Variants in ARHGEF9 observed in about 807,000 individuals in gnomAD.
ARHGEF9 encodes the protein Cdc42 guanine nucleotide exchange factor 9.
ARHGEF9 carries 2 observed loss-of-function variants against 41.3 expected under a neutral mutation model. The ratio of observed to expected loss-of-function variants is 0.05; its 90% CI spans 0.02 to 0.15. The LOEUF (loss-of-function observed/expected upper bound fraction) is 0.15. Ranked by LOEUF, ARHGEF9 falls within the 10% of genes least tolerant of loss-of-function variation. The probability of loss-of-function intolerance (pLI) is 1.00; values close to 1 mark genes in which losing one functional copy is unlikely to be tolerated. For missense variants in ARHGEF9, 225 were observed against 424.7 expected, an observed-to-expected ratio of 0.53 and a Z score of 4.13; for synonymous variants, 160 against 154.4, an observed-to-expected ratio of 1.04 and a Z score of -0.27.
chrX:63,782,577 C>T (rs372717051), intron 1 of ARHGEF9, among the ~76,000 whole-genome samples: 9 of 112,465 alleles, frequency 8.0e-5, no homozygotes, highest in Non-Finnish European at 1.7e-4. Context: ...TCAAGGCCCA[C>T]GATTTACATG....
chrX:63,781,245 T>TTCAGTAATATTTCATTTCAATAG (rs1556461916), intron 1 of ARHGEF9, among the ~76,000 whole-genome samples: 24 of 112,151 alleles, frequency 2.1e-4, no homozygotes, highest in Non-Finnish European at 4.1e-4. Flanking sequence ...GAAAATAATT[T>TTCAGTAATATTTCATTTCAATAG]TTTCATATAT....
At chrX:63,772,175 C>A (rs1252980321) in intron 1 of ARHGEF9, among the ~76,000 whole-genome samples, 2 of 112,248 alleles carry the variant, frequency 1.8e-5, no homozygotes, top group East Asian at 2.8e-4. Context: ...TGTGGCAGAG[C>A]CAGAAACCTA....
intron 1 of ARHGEF9, among the ~76,000 whole-genome samples, chrX:63,740,063 C>T (rs1294284786): frequency 1.8e-5 from 2 of 111,944 alleles, no homozygotes; most frequent in African/African-American, 6.5e-5. Flanking sequence ...CTCTAGGCTG[C>T]CTCCTCTGGC....
intron 1 of ARHGEF9, among the ~76,000 whole-genome samples, chrX:63,727,003 G>A (rs782780693): frequency 7.2e-5 from 8 of 111,628 alleles, no homozygotes; most frequent in African/African-American, 9.8e-5. Flanking sequence ...CTGGTCACTG[G>A]CTTACTAAAG....
chrX:63,691,175 G>A (rs2051321941), intron 4 of ARHGEF9, among the ~76,000 whole-genome samples: 1 of 111,567 alleles, frequency 9.0e-6, no homozygotes, highest in South Asian at 3.7e-4. Context: ...TATCCATATT[G>A]AAAAGGAAGA....
chrX:63,654,131 T>C (rs1351224030), intron 8 of ARHGEF9, among the ~76,000 whole-genome samples: 1 of 104,076 alleles, frequency 9.6e-6, no homozygotes, highest in Non-Finnish European at 2.0e-5. Flanking sequence ...TTTCCTACAA[T>C]GGAAGTGATT....
At chrX:63,658,194 G>C (rs182861970) in intron 7 of ARHGEF9, 1 of 112,164 alleles carries the variant, frequency 8.9e-6, no homozygotes, top group East Asian at 2.8e-4. Flanking sequence ...CTTCTGTGGT[G>C]GGGAAACAGG....
chrX:63,751,347 G>A (rs1490010990), intron 1 of ARHGEF9, among the ~76,000 whole-genome samples: 16 of 111,600 alleles, frequency 1.4e-4, no homozygotes, highest in African/African-American at 4.9e-4. Flanking sequence ...GAAAAAAGAA[G>A]ACAAGTCAAA....
intron 5 of ARHGEF9, among the ~76,000 whole-genome samples, chrX:63,677,060 C>A (rs1556363104): frequency 1.8e-5 from 2 of 111,693 alleles, no homozygotes; most frequent in African/African-American, 6.5e-5. Context: ...GGCTGCCTTT[C>A]TCAAAATGGC....
chrX:63,701,715 A>T (rs1169352242), intron 3 of ARHGEF9: 3 of 112,084 alleles, frequency 2.7e-5, no homozygotes, highest in African/African-American at 9.7e-5. Context: ...AAAGTTGACA[A>T]GGAGTTCATA....
intron 1 of ARHGEF9, among the ~76,000 whole-genome samples, chrX:63,745,044 G>C: frequency 9.6e-6 from 1 of 103,776 alleles, no homozygotes; most frequent in East Asian, 3.1e-4. Flanking sequence ...AGGAGGGAGA[G>C]AGTGGGTGGA....
chrX:63,741,668 C>T (rs6653322), intron 1 of ARHGEF9, among the ~76,000 whole-genome samples: 1,626 of 112,538 alleles, frequency 0.014, 33 homozygotes, highest in African/African-American at 0.05. Context: ...TCTCAGCATG[C>T]CCCATATGTA....
At chrX:63,754,949 G>A (rs1396489516) in intron 1 of ARHGEF9, 46 of 937,570 alleles carry the variant, frequency 4.9e-5, no homozygotes, top group Non-Finnish European at 6.1e-5. Flanking sequence ...CGCCTGCTCA[G>A]TCTGTCCGGG....
At position 63,685,870 on chromosome X, in the gene ARHGEF9, T is replaced by C. The variant is rs1275018549; in HGVS notation, c.583-7298A>G. ...TATTTTTAAAAAAGTAGAAAACCGT[T>C]ATGATTTTGAGATAGGCAAAGAAAG... On this transcript the variant is annotated intron_variant, in intron 4 of 9. Transcript: ENST00000671741. 4.5e-5 allele frequency among the ~76,000 whole-genome samples: 5 copies of C among 111,751 alleles called. No individual in the cohort carries two copies. In the Admixed American group the frequency reaches 4.8e-4, roughly 11 times the overall value.
intron 3 of ARHGEF9, among the ~76,000 whole-genome samples, chrX:63,697,794 T>C (rs1556390355): frequency 9.0e-6 from 1 of 111,717 alleles, no homozygotes; most frequent in Non-Finnish European, 1.9e-5. Flanking sequence ...CAAAAAAAAG[T>C]TTCCTCATGA....
intron 1 of ARHGEF9, among the ~76,000 whole-genome samples, chrX:63,731,849 C>T (rs2054318292): frequency 9.0e-6 from 1 of 111,266 alleles, no homozygotes; most frequent in Admixed American, 9.5e-5. Context: ...GCGTGAGCCA[C>T]CGCACCCAGC....
intron 1 of ARHGEF9, among the ~76,000 whole-genome samples, chrX:63,760,204 G>A (rs374210764): frequency 9.2e-6 from 1 of 109,218 alleles, no homozygotes; most frequent in Non-Finnish European, 1.9e-5. Context: ...TTTTTGTCCC[G>A]ATCTCCACTG....
intron 6 of ARHGEF9, among the ~76,000 whole-genome samples, chrX:63,666,417 TACACACACAC>T (rs781937350): frequency 1.1e-5 from 1 of 89,399 alleles, no homozygotes; most frequent in Non-Finnish European, 2.2e-5. Context: ...TATATATATA[TACACACACAC>T]ACACATACAC....
chrX:63,683,089 A>C (rs1198762136), intron 4 of ARHGEF9, among the ~76,000 whole-genome samples: 2 of 109,522 alleles, frequency 1.8e-5, no homozygotes, highest in Non-Finnish European at 3.8e-5. Flanking sequence ...AGCCCAAAAG[A>C]CTCCCTCCAA....
Sources: gnomAD v4.1 joint callset for allele counts (sites outside exome capture counted in the v4.1 genomes callset) on GRCh38, gnomAD v4.1.1 for gene constraint, MANE v1.5 for transcripts, NCBI Gene and HGNC (gene_info 2026-07-23, HGNC 2026-07-21) for gene names.